Variants in CCN6 observed in about 807,000 individuals in gnomAD.
The protein encoded by CCN6 is CCN family member 6.
Under a neutral mutation model 37.4 loss-of-function variants are expected in CCN6, and 31 were observed. The ratio of observed to expected loss-of-function variants is 0.83; its 90% CI spans 0.62 to 1.12. The LOEUF is 1.12. CCN6 is among the 50% of genes most tolerant of loss of function. The pLI is 0.00. For missense variants in CCN6, 369 were observed against 413.8 expected, an observed-to-expected ratio of 0.89 and a Z score of 0.94; for synonymous variants, 137 against 142.1, an observed-to-expected ratio of 0.96 and a Z score of 0.26.
intron 2 of CCN6, among the ~76,000 whole-genome samples, chr6:112,061,758 C>T (rs1476148148): frequency 6.6e-6 from 1 of 152,164 alleles, no homozygotes; most frequent in Admixed American, 6.5e-5. Flanking sequence ...CTTTTTACTT[C>T]AGCAGATTTG....
chr6:112,069,137 G>C (rs1234774131), intron 4 of CCN6, among the ~76,000 whole-genome samples: 1 of 152,134 alleles, frequency 6.6e-6, no homozygotes, highest in Non-Finnish European at 1.5e-5. Context: ...AGGAGTACGT[G>C]CTATAATATG....
At chr6:112,053,490 A>G (rs144420760), upstream of CCN6, among the ~76,000 whole-genome samples, 54 of 150,592 alleles carry the variant, frequency 3.6e-4, 1 homozygote, top group Middle Eastern at 6.8e-3. Context: ...TTTTTTTAGC[A>G]GAGACGGGAT....
At chr6:112,058,492 T>C (rs184489320) in intron 1 of CCN6, among the ~76,000 whole-genome samples, 53 of 152,334 alleles carry the variant, frequency 3.5e-4, no homozygotes, top group Non-Finnish European at 5.1e-4. Flanking sequence ...CACAAGCACC[T>C]GAGGTTGGGT....
chr6:112,054,788 G>A lies in CCN6; in HGVS notation c.48+383G>A, dbSNP rs1338839106. ...CTTTCCATTGCTGTTTGCAAAATGT[G>A]CAAAGAGCCCCTGGAAAAACGAATT... is the stretch of plus-strand genomic sequence containing the variant. On this transcript the variant is annotated intron_variant, in intron 1 of 4. Coordinates refer to ENST00000368666, the MANE Select transcript of CCN6 (RefSeq NM_198239.2). 6.9e-5 allele frequency: 16 copies of A among 230,708 alleles called. No homozygotes were observed. The Admixed American group carries it at 7.7e-4, about 11-fold the overall frequency. The allele number at this position is 230,708 out of a possible 1,614,324, so 14.3% of individuals were successfully genotyped here. A position where few individuals can be genotyped will look rare whatever the true frequency, so the allele number is the denominator to read the frequency against.
chr6:112,069,215 C>T (rs1776799053), intron 4 of CCN6, 124 bp from the exon 5 acceptor site: 2 of 1,102,634 alleles, frequency 1.8e-6, no homozygotes, highest in Non-Finnish European at 2.6e-6. Flanking sequence ...TGCTGGAAAT[C>T]ACTACATAGC....
At chr6:112,060,209 C>A in intron 1 of CCN6, 1 of 1,215,744 alleles carries the variant, frequency 8.2e-7, no homozygotes, top group Admixed American at 2.4e-5. Flanking sequence ...TCCATATGAG[C>A]AAAGAGTGAT....
At chr6:112,063,192 A>G (rs1554313195) in intron 2 of CCN6, among the ~76,000 whole-genome samples, 1 of 152,200 alleles carries the variant, frequency 6.6e-6, no homozygotes, top group African/African-American at 2.4e-5. Context: ...TGTGAAGAAA[A>G]TCTGGCATCA....
intron 1 of CCN6, 34 bp from the exon 2 acceptor site, chr6:112,060,957 C>T (rs1351281948): frequency 6.2e-7 from 1 of 1,612,414 alleles, no homozygotes; most frequent in Admixed American, 1.7e-5. Context: ...CATAGAGAAG[C>T]TATTTCTAAC....
chr6:112,059,595 C>G (rs1554312372), intron 1 of CCN6, among the ~76,000 whole-genome samples: 1 of 152,174 alleles, frequency 6.6e-6, no homozygotes, highest in Non-Finnish European at 1.5e-5. Context: ...GTGATAACCT[C>G]AAGATTCTTA....
chr6:112,059,901 G>C, intron 1 of CCN6: 3 of 1,275,290 alleles, frequency 2.4e-6, no homozygotes, highest in Non-Finnish European at 3.1e-6. Flanking sequence ...AAGAAAGGTG[G>C]TAAACTCTAC....
intron 2 of CCN6, among the ~76,000 whole-genome samples, chr6:112,062,688 T>G (rs1161945168): frequency 6.6e-6 from 1 of 152,198 alleles, no homozygotes; most frequent in African/African-American, 2.4e-5. Flanking sequence ...CATGGCACAT[T>G]AATGTAGAGT....
chr6:112,066,141 T>C (rs933509721), intron 3 of CCN6, among the ~76,000 whole-genome samples: 19 of 152,270 alleles, frequency 1.2e-4, no homozygotes, highest in African/African-American at 4.6e-4. Context: ...GCAACTCCAG[T>C]TTTGTCAGTA....
At chr6:112,060,139 T>G (rs1279219568) in intron 1 of CCN6, 2 of 1,335,756 alleles carry the variant, frequency 1.5e-6, no homozygotes, top group Non-Finnish European at 2.0e-6. Flanking sequence ...GACCACAGGA[T>G]GCAGGGCCAT....
At chr6:112,054,007 G>C (rs1776272316), upstream of CCN6, 1 of 464,478 alleles carries the variant, frequency 2.2e-6, no homozygotes, top group Non-Finnish European at 4.0e-6. Flanking sequence ...CGTTGTCGGG[G>C]GCAGGCTCTG....
rs782261028 is a variant in CCN6, at chr6:112,061,233, G to T, written c.291G>T (p.Gly97=). ...NEADLCDPHK[G]LYCDYSVDRP... Reference sequence around the variant, plus strand: ...CTGACCTCTGTGACCCACACAAAGGGCTGTATTGTGACTACTCAGTAGACA... The same window carrying T: ...CTGACCTCTGTGACCCACACAAAGGTCTGTATTGTGACTACTCAGTAGACA... Residue 97 remains glycine, a synonymous_variant, in exon 2 of 5, where the codon GGG becomes GGT. Coordinates refer to ENST00000368666, the MANE Select transcript of CCN6 (RefSeq NM_198239.2). 1.2e-6 allele frequency: 2 copies of T among 1,614,202 alleles called. No individual in the cohort carries two copies. The highest frequency in any genetic ancestry group is 1.7e-6 in the Non-Finnish European group (2 of 1,180,040).
At chr6:112,056,519 T>C (rs908760588) in intron 1 of CCN6, among the ~76,000 whole-genome samples, 9 of 152,064 alleles carry the variant, frequency 5.9e-5, no homozygotes, top group Non-Finnish European at 1.0e-4. Flanking sequence ...TCTACTGTTA[T>C]GATTTTCTTT....
At chr6:112,056,412 G>T (rs1776350110) in intron 1 of CCN6, among the ~76,000 whole-genome samples, 1 of 151,522 alleles carries the variant, frequency 6.6e-6, no homozygotes, top group Non-Finnish European at 1.5e-5. Flanking sequence ...TGGGCATCTT[G>T]TTCTTCTCCA....
Position 112,062,832 on chromosome 6 carries a change from C to T in CCN6, c.346+1544C>T, listed in dbSNP as rs1330595831. Among the ~76,000 whole-genome samples the T allele has an allele frequency of 3.3e-5, 5 of 152,178 alleles. No individual in the cohort carries two copies. The East Asian group carries it at 7.7e-4, about 23-fold the overall frequency. On this transcript the variant is annotated intron_variant, in intron 2 of 4. Coordinates refer to ENST00000368666, the MANE Select transcript of CCN6 (RefSeq NM_198239.2). The stretch of plus-strand genomic sequence containing the variant: ...CTGATCAAGAGCAACATTTTAAAAG[C>T]TTTTTGATCTGCGGACCCCTTTACA...
At chr6:112,068,065 T>TA in intron 3 of CCN6, 140 bp from the exon 4 acceptor site, 1 of 700,876 alleles carries the variant, frequency 1.4e-6, no homozygotes, top group South Asian at 2.7e-5. Context: ...AGTGATAAAT[T>TA]AGACCATCGG....
Sources: allele counts gnomAD v4.1 joint callset (sites outside exome capture counted in the v4.1 genomes callset), GRCh38; gene constraint gnomAD v4.1.1; transcripts MANE v1.5; gene names NCBI Gene and HGNC (gene_info 2026-07-23, HGNC 2026-07-21).